Variants in TMC1 observed in about 807,000 individuals in gnomAD.
TMC1 encodes transmembrane channel like 1.
TMC1 carries 84 observed loss-of-function variants against 105.8 expected under a neutral mutation model. The ratio of observed to expected loss-of-function variants is 0.79; its 90% confidence interval spans 0.67 to 0.95. The LOEUF is 0.95. TMC1 is among the 40% of genes least tolerant of loss of function. The probability of loss-of-function intolerance (pLI) is 0.00; values close to 1 mark genes in which losing one functional copy is unlikely to be tolerated. For missense variants in TMC1, 817 were observed against 914.1 expected, an observed-to-expected ratio of 0.89 and a Z score of 1.37; for synonymous variants, 315 against 311.5, an observed-to-expected ratio of 1.01 and a Z score of -0.12.
In TMC1 at chr9:72,609,474, A is replaced by T. The variant is rs140065519; in HGVS notation, c.-305-6894A>T. ...CGAATCACTTGAACCCAGGAGGCAGAGGTTGTAGTGAGCCGAGATCGTTCC... is the reference window on the plus strand; with the variant it reads ...CGAATCACTTGAACCCAGGAGGCAGTGGTTGTAGTGAGCCGAGATCGTTCC... On this transcript the variant is annotated intron_variant, in intron 2 of 23. Transcript: ENST00000297784. Among the ~76,000 whole-genome samples the T allele has an allele frequency of 8.8e-3, 1,333 of 152,286 alleles. 13 individuals carry two copies. Among genetic ancestry groups the T allele is most frequent in the Middle Eastern group, 0.061 (18 of 294 alleles).
At chr9:72,563,074 CAAACAT>C (rs957141601) in intron 1 of TMC1, among the ~76,000 whole-genome samples, 5 of 106,034 alleles carry the variant, frequency 4.7e-5, no homozygotes, top group African/African-American at 1.0e-4. Flanking sequence ...ATAAGATTTA[CAAACAT>C]AGAGTACAGC....
intron 17 of TMC1, among the ~76,000 whole-genome samples, chr9:72,794,436 A>C (rs1228757831): frequency 1.3e-5 from 2 of 152,318 alleles, no homozygotes; most frequent in South Asian, 2.1e-4. Flanking sequence ...CTCACAACCA[A>C]GCAAGAGTCT....
intron 2 of TMC1, among the ~76,000 whole-genome samples, chr9:72,595,550 G>C (rs1482609319): frequency 1.3e-5 from 2 of 151,944 alleles, no homozygotes; most frequent in Non-Finnish European, 2.9e-5. Context: ...CCAGAACGCT[G>C]TTTACTTTTT....
Position 72,700,562 on chromosome 9 carries a change from CAG to C in TMC1, c.284_285del (p.Glu95ValfsTer3), listed in dbSNP as rs1351647363. 6.2e-7 allele frequency: 1 copy of C among 1,602,986 alleles called. No homozygotes were observed. Among genetic ancestry groups the C allele is most frequent in the Non-Finnish European group, 8.5e-7 (1 of 1,172,752 alleles). ...GAAGAGGAATTGGAAAGATTGAAGG[CAG>C]AGTTAGATGAGAAAAGACAAATAAT... On this transcript the variant is annotated frameshift_variant, in exon 8 of 24. Coordinates refer to ENST00000297784, the MANE Select transcript of TMC1 (RefSeq NM_138691.3). LOFTEE classifies it high-confidence loss of function.
chr9:72,603,262 C>T (rs1824849008), intron 2 of TMC1, among the ~76,000 whole-genome samples: 2 of 152,122 alleles, frequency 1.3e-5, no homozygotes, highest in African/African-American at 4.8e-5. Context: ...AACTTCATGC[C>T]TGACCACACA....
intron 2 of TMC1, among the ~76,000 whole-genome samples, chr9:72,582,592 C>T (rs897765694): frequency 2.0e-5 from 3 of 152,148 alleles, no homozygotes; most frequent in Non-Finnish European, 4.4e-5. Flanking sequence ...TTATTGCCCC[C>T]GCCTTGTCTA....
rs1370155200 is a variant in TMC1 at position 72,650,888 on chromosome 9, A to G, written c.16+2224A>G. The stretch of plus-strand genomic sequence containing the variant: ...TGGTGTATTTTATATATATAGATAT[A>G]TAGATATATATATAAATATATATAG... On this transcript the variant is annotated intron_variant, in intron 5 of 23. Coordinates refer to ENST00000297784, the MANE Select transcript of TMC1 (RefSeq NM_138691.3). Among the ~76,000 whole-genome samples, 3 of 139,922 alleles carry G rather than the reference A, an allele frequency of 2.1e-5. No homozygotes were observed. In the Admixed American group the frequency reaches 2.2e-4, roughly 10 times the overall value. The allele number at this position is 139,922 out of a possible 152,430, so 91.8% of individuals were successfully genotyped here.
At chr9:72,741,466 C>A in intron 9 of TMC1, 1 of 308,068 alleles carries the variant, frequency 3.2e-6, no homozygotes, top group South Asian at 3.8e-5. Flanking sequence ...CATCCATCTT[C>A]CAGTTTCTTG....
At chr9:72,664,655 G>A (rs1408140475) in intron 5 of TMC1, among the ~76,000 whole-genome samples, 1 of 152,154 alleles carries the variant, frequency 6.6e-6, no homozygotes, top group African/African-American at 2.4e-5. Context: ...GAGATCAGCT[G>A]CAGGACAGCC....
At chr9:72,662,564 T>C (rs1825984281) in intron 5 of TMC1, among the ~76,000 whole-genome samples, 1 of 152,128 alleles carries the variant, frequency 6.6e-6, no homozygotes, top group African/African-American at 2.4e-5. Flanking sequence ...TCTGTCTCTT[T>C]AGGAAGTTTT....
intron 5 of TMC1, among the ~76,000 whole-genome samples, chr9:72,658,595 T>C (rs1405506734): frequency 6.6e-6 from 1 of 152,232 alleles, no homozygotes; most frequent in African/African-American, 2.4e-5. Flanking sequence ...CGCATAGGAA[T>C]ATGTTTTATA....
chr9:72,601,293 A>G (rs1278327797), intron 2 of TMC1, among the ~76,000 whole-genome samples: 2 of 151,908 alleles, frequency 1.3e-5, no homozygotes, highest in Non-Finnish European at 2.9e-5. Flanking sequence ...ATCACTTGAA[A>G]CAAGGAGTTT....
rs146608165 is a variant in TMC1 at position 72,696,010 on chromosome 9, CA to C, written c.236+1299del. On this transcript the variant is annotated intron_variant, in intron 7 of 23. Transcript: ENST00000297784. ...TTATGTAGTAATAGTTCCTATTTAG[CA>C]AAGCTTATGCTTTCCAACAGTGGTA... is the stretch of plus-strand genomic sequence containing the variant. 2.3e-3 allele frequency among the ~76,000 whole-genome samples: 345 copies of C among 152,264 alleles called. 3 individuals are homozygous for C. The highest frequency in any genetic ancestry group is 8.0e-3 in the African/African-American group (333 of 41,548).
rs1275063295 is a variant in TMC1 at position 72,837,354 on chromosome 9, TAGAG to T, written c.*1385_*1388del. 6.6e-6 allele frequency: 1 copy of T among 152,226 alleles called. No homozygotes were observed. The highest frequency in any genetic ancestry group is 2.4e-5 in the African/African-American group (1 of 41,452). 9.4% of individuals were successfully genotyped at this position (152,226 alleles called of 1,614,324 possible). On this transcript the variant is annotated 3_prime_UTR_variant, in exon 24 of 24. Transcript: ENST00000297784. Reference sequence around the variant, plus strand: ...CACTGGTTGCCACTAATTATTATTTTAGAGAGATAGTTTAACCACCACCTGACCA... The same window carrying T: ...CACTGGTTGCCACTAATTATTATTTTAGATAGTTTAACCACCACCTGACCA...
intron 8 of TMC1, among the ~76,000 whole-genome samples, chr9:72,710,244 A>C (rs915349352): frequency 6.6e-6 from 1 of 152,180 alleles, no homozygotes; most frequent in African/African-American, 2.4e-5. Context: ...AAATTTATTG[A>C]AACTTGTTTT....
intron 12 of TMC1, among the ~76,000 whole-genome samples, chr9:72,758,404 A>C (rs1239278805): frequency 6.6e-6 from 1 of 152,228 alleles, no homozygotes; most frequent in African/African-American, 2.4e-5. Context: ...TACAAAGCTT[A>C]ATTTAAAATA....
At chr9:72,782,942 A>G (rs1198146882) in intron 13 of TMC1, among the ~76,000 whole-genome samples, 1 of 152,182 alleles carries the variant, frequency 6.6e-6, no homozygotes, top group East Asian at 1.9e-4. Flanking sequence ...ACTATTTAAC[A>G]TTCATATGGA....
chr9:72,748,629 C>G (rs1827530731), intron 10 of TMC1, among the ~76,000 whole-genome samples: 1 of 152,074 alleles, frequency 6.6e-6, no homozygotes, highest in South Asian at 2.1e-4. Context: ...ACTAATCAGG[C>G]ATTTCTTTTT....
intron 1 of TMC1, among the ~76,000 whole-genome samples, chr9:72,560,440 T>C (rs149944446): frequency 1.1e-3 from 175 of 152,310 alleles, no homozygotes; most frequent in African/African-American, 4.1e-3. Context: ...CCACCTGAAC[T>C]TTGCCATAAT....
Sources: gnomAD v4.1 joint callset for allele counts (sites outside exome capture counted in the v4.1 genomes callset) on GRCh38, gnomAD v4.1.1 for gene constraint, MANE v1.5 for transcripts, NCBI Gene and HGNC (gene_info 2026-07-23, HGNC 2026-07-21) for gene names.